Variants in PTPRO observed in about 807,000 individuals in gnomAD.
PTPRO encodes receptor-type tyrosine-protein phosphatase O.
PTPRO carries 62 observed loss-of-function variants against 145.2 expected under a neutral mutation model. The ratio of observed to expected loss-of-function variants is 0.43; its 90% CI spans 0.35 to 0.53. The LOEUF (loss-of-function observed/expected upper bound fraction) is 0.53. Ranked by LOEUF, PTPRO falls within the 20% of genes least tolerant of loss-of-function variation. The pLI, the probability that PTPRO is intolerant of heterozygous loss-of-function variation, is 0.01. For missense variants in PTPRO, 1,345 were observed against 1,482.7 expected (o/e 0.91, Z 1.53); for synonymous variants, 565 against 514.7 (o/e 1.10, Z -1.32).
chr12:15,503,822 A>G lies in PTPRO; in HGVS notation c.1106-86A>G, dbSNP rs112739259. On this transcript the variant is annotated intron_variant, in intron 5 of 26. Transcript: ENST00000281171. ...AAGGAGGGAACATTTAAAACACCTAATTTTTTTTCATTAATCGACTTGTCT... is the reference window on the plus strand; with the variant it reads ...AAGGAGGGAACATTTAAAACACCTAGTTTTTTTTCATTAATCGACTTGTCT... 2.6e-5 allele frequency: 29 copies of G among 1,128,502 alleles called. 2 individuals are homozygous for G. In the African/African-American group the frequency reaches 3.3e-4, roughly 13 times the overall value. 69.9% of individuals were successfully genotyped at this position (1,128,502 alleles called of 1,614,324 possible). A position where few individuals can be genotyped will look rare whatever the true frequency, so the allele number is the denominator to read the frequency against.
intron 19 of PTPRO, among the ~76,000 whole-genome samples, chr12:15,570,562 G>A (rs1007638033): frequency 2.6e-5 from 4 of 152,106 alleles, no homozygotes; most frequent in Non-Finnish European, 5.9e-5. Flanking sequence ...ATTCCACACA[G>A]AGCCTGCTCA....
chr12:15,529,584 A>AGTGAGCT (rs966258824), intron 12 of PTPRO, among the ~76,000 whole-genome samples: 6 of 152,152 alleles, frequency 3.9e-5, no homozygotes, highest in African/African-American at 1.2e-4. Flanking sequence ...TTGAGGCTGC[A>AGTGAGCT]GTGAGCTGTG....
chr12:15,555,727 C>T (rs926827006), intron 15 of PTPRO, among the ~76,000 whole-genome samples: 2 of 152,146 alleles, frequency 1.3e-5, no homozygotes, highest in Admixed American at 1.3e-4. Context: ...AGATTCTCAT[C>T]ATTTTTCATG....
intron 1 of PTPRO, among the ~76,000 whole-genome samples, chr12:15,379,171 T>C (rs1444459971): frequency 6.6e-6 from 1 of 152,016 alleles, no homozygotes; most frequent in African/African-American, 2.4e-5. Context: ...ACAAAAATTG[T>C]ACAGAATATT....
At position 15,495,522 on chromosome 12, in the gene PTPRO, A is replaced by G. The variant is rs1274653028; in HGVS notation, c.350-1723A>G. On this transcript the variant is annotated intron_variant, in intron 2 of 26. Coordinates refer to ENST00000281171, the MANE Select transcript of PTPRO (RefSeq NM_030667.3). ...TAGGTCAGCCTATAGATGATGTCCA[A>G]GAATTCTCTCAATTCTAAAAGTGTG... 3.3e-5 allele frequency among the ~76,000 whole-genome samples: 5 copies of G among 151,998 alleles called. No individual in the cohort carries two copies. In the East Asian group the frequency reaches 9.6e-4, roughly 29 times the overall value.
chr12:15,520,098 GA>G (rs1265199987), intron 9 of PTPRO, 102 bp from the exon 10 acceptor site: 3 of 744,700 alleles, frequency 4.0e-6, no homozygotes, highest in Non-Finnish European at 7.1e-6. Flanking sequence ...CAATATAAAG[GA>G]AAATTAAAAT....
intron 1 of PTPRO, among the ~76,000 whole-genome samples, chr12:15,437,072 G>A (rs61908015): frequency 0.054 from 8,235 of 151,642 alleles, 696 homozygotes; most frequent in African/African-American, 0.18. Flanking sequence ...TGCCTGGACC[G>A]GTGGTCTGAG....
intron 1 of PTPRO, among the ~76,000 whole-genome samples, chr12:15,431,604 A>G (rs1363370744): frequency 6.6e-6 from 1 of 152,182 alleles, no homozygotes; most frequent in African/African-American, 2.4e-5. Flanking sequence ...TATTCGATAG[A>G]GCAAATTATG....
intron 4 of PTPRO, among the ~76,000 whole-genome samples, chr12:15,500,153 T>C (rs1347653666): frequency 6.6e-6 from 1 of 151,976 alleles, no homozygotes; most frequent in Non-Finnish European, 1.5e-5. Flanking sequence ...AGCATATATC[T>C]ACTAAGTACC....
At position 15,565,457 on chromosome 12, in the gene PTPRO, A is replaced by T. The variant is rs562637526; in HGVS notation, c.2712-136A>T. The T allele has an allele frequency of 1.3e-5, 8 of 607,936 alleles. No homozygotes were observed. The South Asian group carries it at 1.4e-4, about 10-fold the overall frequency. 37.7% of individuals were successfully genotyped at this position (607,936 alleles called of 1,614,324 possible). A position where few individuals can be genotyped will look rare whatever the true frequency, so the allele number is the denominator to read the frequency against. Reference sequence around the variant, plus strand: ...CTTCTCATGTAAGGAAAAGTAAACAAACCTGATATGTGTTTAATGAAAATT... The same window carrying T: ...CTTCTCATGTAAGGAAAAGTAAACATACCTGATATGTGTTTAATGAAAATT... On this transcript the variant is annotated intron_variant, in intron 17 of 26. Coordinates refer to ENST00000281171, the MANE Select transcript of PTPRO (RefSeq NM_030667.3).
chr12:15,476,490 G>A (rs569086294), intron 1 of PTPRO, among the ~76,000 whole-genome samples: 109 of 150,640 alleles, frequency 7.2e-4, no homozygotes, highest in Non-Finnish European at 1.1e-3. Context: ...AGTAGGTTGC[G>A]AAAATTTTCT....
Position 15,503,931 on chromosome 12 carries a change from G to A in PTPRO, c.1129G>A (p.Val377Met). ...REENFTEYLMVDEEAHEFVAE... is the reference protein window; with the variant it reads ...REENFTEYLMMDEEAHEFVAE... ...AGAGAACTTTACTGAATATTTGATG[G>A]TGGATGAAGAAGCACATGAATTTGT... The change falls in exon 6 of 27, where the codon GTG becomes ATG. Residue 377 changes from valine to methionine, a missense_variant. Transcript: ENST00000281171. The A allele has an allele frequency of 6.3e-7, 1 of 1,582,554 alleles. No individual in the cohort carries two copies. The highest frequency in any genetic ancestry group is 1.1e-5 in the South Asian group (1 of 90,348).
intron 1 of PTPRO, among the ~76,000 whole-genome samples, chr12:15,427,160 G>A (rs962408838): frequency 1.3e-5 from 2 of 151,938 alleles, no homozygotes. Context: ...AAAGAATTAG[G>A]CCATTCCTTT....
intron 1 of PTPRO, among the ~76,000 whole-genome samples, chr12:15,479,067 C>A (rs923005682): frequency 1.3e-5 from 2 of 152,202 alleles, no homozygotes; most frequent in Non-Finnish European, 2.9e-5. Context: ...CAGGGAGGAA[C>A]AGAAGATCCC....
intron 1 of PTPRO, among the ~76,000 whole-genome samples, chr12:15,388,238 G>C (rs536337486): frequency 1.3e-4 from 20 of 152,016 alleles, no homozygotes; most frequent in Admixed American, 1.3e-3. Flanking sequence ...GATTACCCTA[G>C]AAAGTTTTAA....
At position 15,454,169 on chromosome 12, in the gene PTPRO, C is replaced by A. The variant is rs149232057; in HGVS notation, c.76-29805C>A. 1.5e-4 allele frequency among the ~76,000 whole-genome samples: 23 copies of A among 152,300 alleles called. No homozygotes were observed. In the South Asian group the frequency reaches 2.7e-3, roughly 18 times the overall value. ...TACCTCCACATAGTTTTCATAGATG[C>A]AGCACCATTTTTCATTCCCAACAAC... On this transcript the variant is annotated intron_variant, in intron 1 of 26. Transcript: ENST00000281171.
At chr12:15,539,452 T>C (rs772406547) in intron 12 of PTPRO, among the ~76,000 whole-genome samples, 65 of 152,148 alleles carry the variant, frequency 4.3e-4, no homozygotes, top group South Asian at 1.5e-3. Context: ...ATACTTGCTA[T>C]CTCTAAGCCT....
chr12:15,514,918 A>G (rs1197000473), intron 7 of PTPRO, among the ~76,000 whole-genome samples: 3 of 151,982 alleles, frequency 2.0e-5, no homozygotes, highest in African/African-American at 7.2e-5. Flanking sequence ...ACCTGCCACC[A>G]TGCCTGGCTA....
At chr12:15,481,509 G>C (rs1941778434) in intron 1 of PTPRO, among the ~76,000 whole-genome samples, 1 of 152,122 alleles carries the variant, frequency 6.6e-6, no homozygotes, top group South Asian at 2.1e-4. Flanking sequence ...TGTTTTAAAA[G>C]TTCATTCTCA....
Sources: gnomAD v4.1 joint callset for allele counts (sites outside exome capture counted in the v4.1 genomes callset) on GRCh38, gnomAD v4.1.1 for gene constraint, MANE v1.5 for transcripts, NCBI Gene and HGNC (gene_info 2026-07-23, HGNC 2026-07-21) for gene names.